Variants in DOCK1 observed in about 807,000 individuals in gnomAD.
DOCK1 encodes the protein dedicator of cytokinesis 1, also known as dedicator of cytokinesis protein 1.
DOCK1 carries 138 observed loss-of-function variants against 262.7 expected under a neutral mutation model. That is an observed-to-expected ratio of 0.53 (90% confidence interval 0.46 to 0.61). The LOEUF is 0.61. Among genes scored for constraint, DOCK1 ranks in the 20% least tolerant of loss-of-function variants. The probability of loss-of-function intolerance (pLI) is 0.00; values close to 1 mark genes in which losing one functional copy is unlikely to be tolerated. For missense variants in DOCK1, 1,908 were observed against 2,370.7 expected, an observed-to-expected ratio of 0.80 and a Z score of 4.05; for synonymous variants, 866 against 867.4, an observed-to-expected ratio of 1.00 and a Z score of 0.03.
At chr10:126,946,136 C>G (rs1203296525) in intron 1 of DOCK1, among the ~76,000 whole-genome samples, 1 of 152,100 alleles carries the variant, frequency 6.6e-6, no homozygotes, top group Non-Finnish European at 1.5e-5. Flanking sequence ...GAATTTTCCC[C>G]TTTAACCCTT....
chr10:127,075,019 A>G (rs2046432526), intron 23 of DOCK1, among the ~76,000 whole-genome samples: 1 of 151,766 alleles, frequency 6.6e-6, no homozygotes, highest in South Asian at 2.1e-4. Flanking sequence ...AAAATACGGA[A>G]TTAGCTGGGC....
intron 40 of DOCK1, among the ~76,000 whole-genome samples, chr10:127,406,284 A>C (rs2134348032): frequency 6.6e-6 from 1 of 152,304 alleles, no homozygotes; most frequent in Middle Eastern, 3.4e-3. Context: ...CCGGGTGCGG[A>C]GGACACGTTG....
At chr10:127,066,209 T>G (rs1227645329) in intron 23 of DOCK1, among the ~76,000 whole-genome samples, 4 of 152,148 alleles carry the variant, frequency 2.6e-5, no homozygotes, top group African/African-American at 9.6e-5. Flanking sequence ...TCCTCCCAGG[T>G]GCCCCCGCCG....
At chr10:127,420,890 G>C (rs555147217) in intron 46 of DOCK1, among the ~76,000 whole-genome samples, 7 of 126,276 alleles carry the variant, frequency 5.5e-5, no homozygotes, top group South Asian at 5.1e-4. Context: ...AGACATCACC[G>C]TGAGCAGTTT....
At chr10:127,232,070 T>A (rs2058862244) in intron 27 of DOCK1, among the ~76,000 whole-genome samples, 1 of 151,952 alleles carries the variant, frequency 6.6e-6, no homozygotes, top group South Asian at 2.1e-4. Flanking sequence ...GGGAAGGAAG[T>A]GAGCCAGGTG....
chr10:127,434,812 C>G (rs2069559716), intron 48 of DOCK1, among the ~76,000 whole-genome samples: 2 of 152,152 alleles, frequency 1.3e-5, no homozygotes, highest in South Asian at 4.1e-4. Flanking sequence ...GCCACCATGC[C>G]TGGCCAATTC....
chr10:127,166,035 A>T lies in DOCK1; in HGVS notation c.2847+38271A>T, dbSNP rs537646065. 7.9e-5 allele frequency among the ~76,000 whole-genome samples: 12 copies of T among 152,328 alleles called. No homozygotes were observed. In the South Asian group the frequency reaches 2.1e-3, roughly 26 times the overall value. On this transcript the variant is annotated intron_variant, in intron 27 of 51. Transcript: ENST00000623213. ...CCAGACTTGCATTAGCAAAAAAATT[A>T]AAAAATTTAAAAAATGCCTGCATTT...
chr10:126,917,778 G>C (rs2032675584), intron 1 of DOCK1, among the ~76,000 whole-genome samples: 1 of 152,182 alleles, frequency 6.6e-6, no homozygotes. Flanking sequence ...AGGAGGAGGA[G>C]GAGAGTGGGG....
intron 35 of DOCK1, among the ~76,000 whole-genome samples, chr10:127,375,041 G>C (rs113286024): frequency 2.0e-3 from 302 of 152,378 alleles, no homozygotes; most frequent in African/African-American, 6.9e-3. Flanking sequence ...CTTGGCTGCT[G>C]CCATCTGTCT....
At chr10:127,117,062 T>G (rs552930614) in intron 25 of DOCK1, among the ~76,000 whole-genome samples, 135 of 152,340 alleles carry the variant, frequency 8.9e-4, no homozygotes, top group African/African-American at 3.1e-3. Context: ...AAAAGACCAT[T>G]TGTTATAACA....
intron 23 of DOCK1, among the ~76,000 whole-genome samples, chr10:127,098,997 G>T (rs2048073928): frequency 6.6e-6 from 1 of 152,186 alleles, no homozygotes; most frequent in African/African-American, 2.4e-5. Flanking sequence ...GCTAGGTGTG[G>T]CTCTTACAAT....
chr10:126,979,477 T>C (rs1422346844), intron 3 of DOCK1, among the ~76,000 whole-genome samples: 12 of 152,188 alleles, frequency 7.9e-5, no homozygotes, highest in Non-Finnish European at 1.3e-4. Flanking sequence ...ATCACATTCC[T>C]ACATAGGACA....
chr10:126,957,778 C>T (rs1206508051), intron 1 of DOCK1, among the ~76,000 whole-genome samples: 2 of 152,182 alleles, frequency 1.3e-5, no homozygotes, highest in Non-Finnish European at 2.9e-5. Flanking sequence ...CTGTGCCTGA[C>T]TGCAGCCTTA....
In DOCK1 at chr10:127,012,143, G is replaced by A. The variant is rs891321443; in HGVS notation, c.1059-89G>A. On this transcript the variant is annotated intron_variant, in intron 11 of 51. Coordinates refer to ENST00000623213, the MANE Select transcript of DOCK1 (RefSeq NM_001290223.2). This position sits in a 1 kb window ranked among gnomAD's most constrained non-coding sequence, Gnocchi z 4.0. ...ATGCCTCCCTCTCGCACTCGGTGAC[G>A]ATGATCTCTTATGTTCCCTTGTTAC... The A allele has an allele frequency of 3.4e-5, 24 of 704,472 alleles. No homozygotes were observed. Among genetic ancestry groups the A allele is most frequent in the Non-Finnish European group, 4.9e-5 (19 of 390,682 alleles). 43.6% of individuals were successfully genotyped at this position (704,472 alleles called of 1,614,324 possible). A position where few individuals can be genotyped will look rare whatever the true frequency, so the allele number is the denominator to read the frequency against.
intron 25 of DOCK1, among the ~76,000 whole-genome samples, chr10:127,119,760 A>G (rs1264976499): frequency 6.6e-6 from 1 of 152,348 alleles, no homozygotes; most frequent in African/African-American, 2.4e-5. Flanking sequence ...TAAGAAGTAC[A>G]TTACTCTGTT....
intron 24 of DOCK1, among the ~76,000 whole-genome samples, chr10:127,108,415 A>T (rs1021975351): frequency 2.0e-5 from 3 of 152,108 alleles, no homozygotes; most frequent in African/African-American, 7.2e-5. Flanking sequence ...GTGAAACTCC[A>T]TCTCCACTAA....
chr10:127,009,181 TAAA>T (rs927035241), intron 11 of DOCK1, among the ~76,000 whole-genome samples: 1 of 152,134 alleles, frequency 6.6e-6, no homozygotes, highest in Admixed American at 6.6e-5. Context: ...GTTTTTAAAA[TAAA>T]AAAACAAACA....
chr10:127,157,813 G>A (rs532731611), intron 27 of DOCK1, among the ~76,000 whole-genome samples: 1 of 152,312 alleles, frequency 6.6e-6, no homozygotes, highest in East Asian at 1.9e-4. Context: ...TTTGTTTAAA[G>A]GAATCAGTTG....
chr10:127,054,298 G>A (rs1423536270), intron 22 of DOCK1, among the ~76,000 whole-genome samples: 3 of 152,214 alleles, frequency 2.0e-5, no homozygotes, highest in South Asian at 2.1e-4. Flanking sequence ...CTAGTGATGT[G>A]TTACTGGTCA....
Sources: gnomAD v4.1 joint callset for allele counts (sites outside exome capture counted in the v4.1 genomes callset) on GRCh38, gnomAD v4.1.1 for gene constraint, Gnocchi (gnomAD v3.1) non-coding constraint, MANE v1.5 for transcripts, NCBI Gene and HGNC (gene_info 2026-07-23, HGNC 2026-07-21) for gene names.